Variants in MYO7B observed in about 807,000 individuals in gnomAD.
The protein encoded by MYO7B is myosin VIIB.
MYO7B carries 212 observed loss-of-function variants against 259.7 expected under a neutral mutation model. The observed-to-expected ratio is 0.82, with a 90% CI of 0.73 to 0.91. The LOEUF is 0.91. MYO7B is among the 40% of genes least tolerant of loss of function. The pLI, the probability that MYO7B is intolerant of heterozygous loss-of-function variation, is 0.00. For synonymous variants in MYO7B, 1,197 were observed against 1,166.4 expected (o/e 1.03, Z -0.54); for missense variants, 2,732 against 2,813.5 (o/e 0.97, Z 0.66).
At chr2:127,565,042 G>A (rs529349603) in intron 3 of MYO7B, among the ~76,000 whole-genome samples, 191 bp from the exon 4 acceptor site, 5 of 152,188 alleles carry the variant, frequency 3.3e-5, no homozygotes, top group African/African-American at 9.7e-5. Flanking sequence ...TAGATGGACC[G>A]GATCCTGCCA....
At chr2:127,630,330 A>T (rs540170423) in intron 35 of MYO7B, among the ~76,000 whole-genome samples, 1 of 152,318 alleles carries the variant, frequency 6.6e-6, no homozygotes, top group Admixed American at 6.5e-5. Flanking sequence ...CAACTGTGCA[A>T]AGTGCCACCA....
chr2:127,593,423 C>T (rs985812890), intron 17 of MYO7B, 123 bp from the exon 18 acceptor site: 5 of 914,408 alleles, frequency 5.5e-6, no homozygotes, highest in African/African-American at 1.7e-5. Flanking sequence ...TGTGCCTGGG[C>T]GGGGGTGGGC....
intron 1 of MYO7B, among the ~76,000 whole-genome samples, chr2:127,547,241 A>G (rs1693268469): frequency 1.3e-5 from 2 of 152,240 alleles, no homozygotes; most frequent in Non-Finnish European, 2.9e-5. Context: ...TAGTATGAGT[A>G]AGTCACTATC....
chr2:127,599,356 A>G (rs1347616977), intron 19 of MYO7B, among the ~76,000 whole-genome samples: 1 of 152,238 alleles, frequency 6.6e-6, no homozygotes, highest in African/African-American at 2.4e-5. Flanking sequence ...CATTGCTAGC[A>G]AATAGAAATA....
At position 127,609,898 on chromosome 2, in the gene MYO7B, C is replaced by T. The variant is rs779898707; in HGVS notation, c.3074C>T (p.Pro1025Leu). Reference protein sequence around the residue: ...NVILRFMGDLPEPVLYARSSQ... With the variant: ...NVILRFMGDLLEPVLYARSSQ... The stretch of plus-strand genomic sequence containing the variant: ...ATCCTGAGGTTCATGGGTGATCTCC[C>T]AGAGCCAGTGCTGTATGCCAGGAGC... Residue 1025 changes from proline to leucine, a missense_variant, in exon 24 of 48, where the codon CCA becomes CTA. Coordinates refer to ENST00000409816, the MANE Select transcript of MYO7B (RefSeq NM_001393586.1). This position sits in a 1 kb window ranked among gnomAD's most constrained non-coding sequence, Gnocchi z 6.9. 5 of 1,611,650 alleles carry T rather than the reference C, an allele frequency of 3.1e-6. No individual in the cohort carries two copies. In the Admixed American group the frequency reaches 8.4e-5, roughly 27 times the overall value.
In MYO7B at chr2:127,547,877, A is replaced by T. The variant is rs373976091; in HGVS notation, c.-23-11823A>T. ...ATTTCCTCTGCTTCTGTTTCCTGGA[A>T]GATACTATGGAGAATTAGGCTCATT... On this transcript the variant is annotated intron_variant, in intron 1 of 47. Coordinates refer to ENST00000409816, the MANE Select transcript of MYO7B (RefSeq NM_001393586.1). Among the ~76,000 whole-genome samples, 11 of 152,200 alleles carry T rather than the reference A, an allele frequency of 7.2e-5. No homozygotes were observed. In the East Asian group the frequency reaches 7.7e-4, roughly 11 times the overall value.
chr2:127,633,382 C>T lies in MYO7B; in HGVS notation c.5511+19C>T, dbSNP rs373145090. The T allele has an allele frequency of 6.2e-7, 1 of 1,607,260 alleles. No homozygotes were observed. Among genetic ancestry groups the T allele is most frequent in the African/African-American group, 1.3e-5 (1 of 74,928 alleles). On this transcript the variant is annotated intron_variant, in intron 40 of 47. Coordinates refer to ENST00000409816, the MANE Select transcript of MYO7B (RefSeq NM_001393586.1). Reference sequence around the variant, plus strand: ...CAGTGAGGTGAGGCCCTGCTCTGGTCTGCACGGCAAGTCTCAGGCCTCCAG... The same window carrying T: ...CAGTGAGGTGAGGCCCTGCTCTGGTTTGCACGGCAAGTCTCAGGCCTCCAG...
In MYO7B at chr2:127,582,264, C is replaced by T; in HGVS notation, c.1201-40C>T. On this transcript the variant is annotated intron_variant, in intron 11 of 47. Coordinates refer to ENST00000409816, the MANE Select transcript of MYO7B (RefSeq NM_001393586.1). Reference sequence around the variant, plus strand: ...AACTTGGAGGTAACCTCCGCCTGAGCCTCCAAGCCCAGGATTCTCCCACCC... The same window carrying T: ...AACTTGGAGGTAACCTCCGCCTGAGTCTCCAAGCCCAGGATTCTCCCACCC... The T allele has an allele frequency of 6.2e-6, 10 of 1,607,180 alleles. No homozygotes were observed. In the South Asian group the frequency reaches 8.9e-5, roughly 14 times the overall value.
At chr2:127,625,630 C>A in intron 31 of MYO7B, 95 bp downstream of exon 31, 1 of 1,282,012 alleles carries the variant, frequency 7.8e-7, no homozygotes, top group Non-Finnish European at 1.0e-6. Context: ...TCCCTCCCCA[C>A]AACCCCCACC....
intron 1 of MYO7B, among the ~76,000 whole-genome samples, chr2:127,557,030 T>C (rs1451982705): frequency 6.6e-6 from 1 of 152,200 alleles, no homozygotes; most frequent in African/African-American, 2.4e-5. Flanking sequence ...TATTCTTAGG[T>C]TTGGTTGTTT....
At position 127,561,320 on chromosome 2, in the gene MYO7B, G is replaced by A. The variant is rs184145355; in HGVS notation, c.18+1580G>A. ...TACTCTGTCACCCAGGCTGGAGTGC[G>A]CAATCTCGGCTCACTGCAACCTCGG... is the stretch of plus-strand genomic sequence containing the variant. On this transcript the variant is annotated intron_variant, in intron 2 of 47. Transcript: ENST00000409816. 1.5e-3 allele frequency among the ~76,000 whole-genome samples: 231 copies of A among 151,658 alleles called. 1 individual carries two copies. The highest frequency in any genetic ancestry group is 1.7e-3 in the South Asian group (8 of 4,776).
At chr2:127,542,516 A>G (rs540026980) in intron 1 of MYO7B, among the ~76,000 whole-genome samples, 36 of 152,326 alleles carry the variant, frequency 2.4e-4, no homozygotes, top group African/African-American at 7.5e-4. Context: ...AAGCTCAGAT[A>G]TCCCAGACAA....
rs1275587401 is a variant in MYO7B at position 127,628,320 on chromosome 2, G to A, written c.4461-52G>A. The A allele has an allele frequency of 1.3e-6, 2 of 1,557,714 alleles. No homozygotes were observed. The highest frequency in any genetic ancestry group is 4.7e-5 in the East Asian group (2 of 42,780). On this transcript the variant is annotated intron_variant, in intron 33 of 47. Coordinates refer to ENST00000409816, the MANE Select transcript of MYO7B (RefSeq NM_001393586.1). The surrounding 1 kb of genome is among the most constrained non-coding windows in gnomAD (Gnocchi z 4.8). The stretch of plus-strand genomic sequence containing the variant: ...CACCTCCCGAGGCTGTTTAGGGGCT[G>A]GATCAGGGGAAGGTGGAGGGGGCTC...
intron 26 of MYO7B, among the ~76,000 whole-genome samples, chr2:127,618,100 C>CCTCTTCAGGTCCCTTCAGGT (rs1680655426): frequency 6.6e-6 from 1 of 152,150 alleles, no homozygotes; most frequent in Non-Finnish European, 1.5e-5. Flanking sequence ...TCCCTGCAGG[C>CCTCTTCAGGTCCCTTCAGGT]CTCTTCAGGT....
Position 127,566,759 on chromosome 2 carries a change from C to T in MYO7B, c.402C>T (p.Val134=), listed in dbSNP as rs1415236536. 2 of 1,612,852 alleles carry T rather than the reference C, an allele frequency of 1.2e-6. No homozygotes were observed. The highest frequency in any genetic ancestry group is 1.7e-6 in the Non-Finnish European group (2 of 1,179,864). Residue 134 remains valine, a synonymous_variant, in exon 5 of 48, where the codon GTC becomes GTT. Coordinates refer to ENST00000409816, the MANE Select transcript of MYO7B (RefSeq NM_001393586.1). ...ATATGGGCGAGCTGCCCCCGCATGT[C>T]TTTGCCATCGCCAACAACTGCTACT... ...SRHMGELPPH[V]FAIANNCYFS... is the part of the protein sequence containing the mutation.
chr2:127,605,787 A>G, intron 19 of MYO7B, 57 bp from the exon 20 acceptor site: 1 of 1,520,578 alleles, frequency 6.6e-7, no homozygotes, highest in Non-Finnish European at 9.1e-7. Context: ...TTTCTCCCTC[A>G]GAAGCTTTAA....
rs766577675 is a variant in MYO7B, at chr2:127,624,221, C to T, written c.3948C>T (p.Phe1316=). 6.3e-6 allele frequency: 10 copies of T among 1,597,310 alleles called. No individual in the cohort carries two copies. The highest frequency in any genetic ancestry group is 8.5e-6 in the Non-Finnish European group (10 of 1,172,636). ...PWRIYFRKEF[F]TPWHDSREDP... is the part of the protein sequence containing the mutation. ...GCATCTACTTCCGGAAGGAATTCTT[C>T]ACCCCCTGGCACGACTCCCGGGAGG... Residue 1316 remains phenylalanine, a synonymous_variant, in exon 30 of 48, where the codon TTC becomes TTT. Coordinates refer to ENST00000409816, the MANE Select transcript of MYO7B (RefSeq NM_001393586.1).
At chr2:127,581,107 G>A (rs568925190) in intron 10 of MYO7B, among the ~76,000 whole-genome samples, 3 of 152,140 alleles carry the variant, frequency 2.0e-5, no homozygotes, top group South Asian at 2.1e-4. Context: ...CAGTATCCTC[G>A]CCCTCCACCC....
chr2:127,608,815 GGT>G lies in MYO7B; in HGVS notation c.2754_2755del (p.Phe919ArgfsTer19), dbSNP rs1680262142. On this transcript the variant is annotated frameshift_variant, in exon 22 of 48. Transcript: ENST00000409816. LOFTEE classifies it high-confidence loss of function. ...TVTDTEMVEK[V>X]FGFLPAMIGG... ...TCACTGACACGGAGATGGTGGAGAA[GGT>G]GTTCGGCTTCCTCCCTGCCATGATT... 3 of 1,613,532 alleles carry G rather than the reference GGT, an allele frequency of 1.9e-6. No homozygotes were observed. The highest frequency in any genetic ancestry group is 2.5e-6 in the Non-Finnish European group (3 of 1,179,862).
Sources: gnomAD v4.1 joint callset for allele counts (sites outside exome capture counted in the v4.1 genomes callset) on GRCh38, gnomAD v4.1.1 for gene constraint, Gnocchi (gnomAD v3.1) non-coding constraint, MANE v1.5 for transcripts, NCBI Gene and HGNC (gene_info 2026-07-23, HGNC 2026-07-21) for gene names.